HACD2: variants seen among roughly 807,000 people sequenced by gnomAD.
HACD2 encodes 3-hydroxyacyl-CoA dehydratase 2.
A neutral mutation model predicts 31.0 loss-of-function variants in HACD2; 15 were observed. The ratio of observed to expected loss-of-function variants is 0.48; its 90% CI spans 0.32 to 0.75. The LOEUF (loss-of-function observed/expected upper bound fraction) is 0.75, where lower values mean the gene tolerates loss of function less well. Ranked by LOEUF, HACD2 falls within the 30% of genes least tolerant of loss-of-function variation. The pLI is 0.03. For missense variants in HACD2, 283 were observed against 313.0 expected (o/e 0.90, Z 0.72); for synonymous variants, 115 against 122.2 (o/e 0.94, Z 0.39).
In HACD2 at chr3:123,492,438, C is replaced by A. The variant is rs2107672745; in HGVS notation, c.*2450G>T. 6.6e-6 allele frequency: 1 copy of A among 152,244 alleles called. No homozygotes were observed. The highest frequency in any genetic ancestry group is 2.1e-4 in the South Asian group (1 of 4,826). The allele number at this position is 152,244 out of a possible 1,614,324, so 9.4% of individuals were successfully genotyped here. ...TCTCAATTTATAAAATAATAAATGA[C>A]TTCAAAGGAGAAATGAATTCATGTT... On this transcript the variant is annotated 3_prime_UTR_variant, in exon 7 of 7. Transcript: ENST00000383657.
chr3:123,562,843 G>T (rs1045440201), intron 3 of HACD2, among the ~76,000 whole-genome samples: 1 of 152,144 alleles, frequency 6.6e-6, no homozygotes, highest in African/African-American at 2.4e-5. Context: ...CTAAGTTGTT[G>T]TAATGAAAAC....
intron 3 of HACD2, among the ~76,000 whole-genome samples, chr3:123,566,045 C>G (rs1186966254): frequency 1.3e-5 from 2 of 152,058 alleles, no homozygotes; most frequent in South Asian, 2.1e-4. Context: ...CAGATGAGCC[C>G]CCAAGCCACT....
chr3:123,579,753 C>A (rs1278465786), intron 2 of HACD2, among the ~76,000 whole-genome samples: 1 of 152,170 alleles, frequency 6.6e-6, no homozygotes, highest in Non-Finnish European at 1.5e-5. Context: ...CTTGTGGGAA[C>A]TGTACTGGCC....
At chr3:123,548,120 T>C (rs2056581008) in intron 3 of HACD2, among the ~76,000 whole-genome samples, 1 of 152,120 alleles carries the variant, frequency 6.6e-6, no homozygotes, top group South Asian at 2.1e-4. Context: ...AATTCTTTGA[T>C]ACTCCTCCCT....
At chr3:123,565,805 T>C (rs2107745994) in intron 3 of HACD2, among the ~76,000 whole-genome samples, 1 of 152,350 alleles carries the variant, frequency 6.6e-6, no homozygotes, top group South Asian at 2.1e-4. Flanking sequence ...TGCTAGGATG[T>C]GCTTAAGATT....
chr3:123,528,293 C>A, intron 4 of HACD2, 93 bp downstream of exon 4: 1 of 794,220 alleles, frequency 1.3e-6, no homozygotes, highest in South Asian at 1.5e-5. Flanking sequence ...GAACTCTGAC[C>A]TGGAACTCTT....
chr3:123,502,968 C>T (rs770374942), intron 4 of HACD2: 80 of 322,980 alleles, frequency 2.5e-4, no homozygotes, highest in Non-Finnish European at 4.4e-4. Flanking sequence ...TTGCCAGCCT[C>T]ATGCGGAGAA....
chr3:123,537,682 T>C (rs1406664603), intron 3 of HACD2, among the ~76,000 whole-genome samples: 1 of 152,120 alleles, frequency 6.6e-6, no homozygotes, highest in African/African-American at 2.4e-5. Flanking sequence ...TTCATGATAG[T>C]ATAAGCTATG....
At chr3:123,514,831 A>G (rs1364696126) in intron 4 of HACD2, among the ~76,000 whole-genome samples, 3 of 152,256 alleles carry the variant, frequency 2.0e-5, no homozygotes. Flanking sequence ...AGCAGGGCTA[A>G]TTATTCCTTA....
At chr3:123,507,008 A>T (rs2055984850) in intron 4 of HACD2, among the ~76,000 whole-genome samples, 1 of 152,084 alleles carries the variant, frequency 6.6e-6, no homozygotes, top group Admixed American at 6.5e-5. Flanking sequence ...CTATAATCCC[A>T]GTGTTTTGGG....
At chr3:123,542,515 G>A (rs892715034) in intron 3 of HACD2, among the ~76,000 whole-genome samples, 8 of 152,224 alleles carry the variant, frequency 5.3e-5, no homozygotes, top group Non-Finnish European at 4.4e-5. Context: ...TTTTGAATTA[G>A]TCATTACACA....
At chr3:123,554,428 G>C (rs1384954198) in intron 3 of HACD2, among the ~76,000 whole-genome samples, 1 of 151,984 alleles carries the variant, frequency 6.6e-6, no homozygotes, top group Non-Finnish European at 1.5e-5. Context: ...TTGAGCCCAG[G>C]AGTCCAAGGC....
At chr3:123,550,519 T>C (rs375012947) in intron 3 of HACD2, among the ~76,000 whole-genome samples, 2 of 151,994 alleles carry the variant, frequency 1.3e-5, no homozygotes. Context: ...GGCAGAGAAA[T>C]GATGTTCCCT....
intron 3 of HACD2, among the ~76,000 whole-genome samples, chr3:123,547,819 C>T (rs2056577301): frequency 6.6e-6 from 1 of 151,898 alleles, no homozygotes; most frequent in Non-Finnish European, 1.5e-5. Flanking sequence ...GCATTCTATG[C>T]ATCAGGCCCG....
chr3:123,558,050 G>A (rs1207759444), intron 3 of HACD2, among the ~76,000 whole-genome samples: 1 of 152,210 alleles, frequency 6.6e-6, no homozygotes, highest in Non-Finnish European at 1.5e-5. Context: ...CTAGGAGAAT[G>A]GGTAAATTGT....
chr3:123,511,511 T>C (rs949415753), intron 4 of HACD2, among the ~76,000 whole-genome samples: 2 of 152,194 alleles, frequency 1.3e-5, no homozygotes, highest in Non-Finnish European at 2.9e-5. Flanking sequence ...CTCCAATAAA[T>C]GTTGCCTACC....
At chr3:123,496,053 G>T (rs1224855887) in intron 6 of HACD2, among the ~76,000 whole-genome samples, 1 of 152,150 alleles carries the variant, frequency 6.6e-6, no homozygotes, top group Non-Finnish European at 1.5e-5. Context: ...TTTAGACAGA[G>T]TCTTACTTTG....
At chr3:123,503,195 G>A (rs1479213259) in intron 4 of HACD2, among the ~76,000 whole-genome samples, 1 of 151,740 alleles carries the variant, frequency 6.6e-6, no homozygotes, top group African/African-American at 2.4e-5. Flanking sequence ...AACCCGGGAG[G>A]CGGAGTTTGC....
chr3:123,564,173 T>C (rs2056767521), intron 3 of HACD2, among the ~76,000 whole-genome samples: 1 of 151,686 alleles, frequency 6.6e-6, no homozygotes, highest in African/African-American at 2.4e-5. Flanking sequence ...AGTCTGGGAG[T>C]GTGGGTCATG....
Sources: allele counts gnomAD v4.1 joint callset (sites outside exome capture counted in the v4.1 genomes callset), GRCh38; gene constraint gnomAD v4.1.1; transcripts MANE v1.5; gene names NCBI Gene and HGNC (gene_info 2026-07-23, HGNC 2026-07-21).